The following MARCHF1 variants were observed in gnomAD, a reference collection of about 807,000 sequenced individuals.
The protein encoded by MARCHF1 is E3 ubiquitin-protein ligase MARCHF1.
Under a neutral mutation model 54.2 loss-of-function variants are expected in MARCHF1, and 40 were observed. The observed-to-expected ratio is 0.74, with a 90% CI of 0.57 to 0.96. MARCHF1 has a LOEUF of 0.96. MARCHF1 is among the 40% of genes least tolerant of loss of function. The pLI is 0.00. For synonymous variants in MARCHF1, 236 were observed against 236.3 expected, an observed-to-expected ratio of 1.00 and a Z score of 0.01; for missense variants, 586 against 656.5, an observed-to-expected ratio of 0.89 and a Z score of 1.17.
chr4:164,056,315 G>T (rs1179528950), intron 2 of MARCHF1, among the ~76,000 whole-genome samples: 1 of 152,168 alleles, frequency 6.6e-6, no homozygotes, highest in Non-Finnish European at 1.5e-5. Context: ...AACACTGAAA[G>T]GTGTGGAGGT....
chr4:163,901,435 C>T (rs1006232369), intron 3 of MARCHF1, among the ~76,000 whole-genome samples: 1 of 152,130 alleles, frequency 6.6e-6, no homozygotes, highest in African/African-American at 2.4e-5. Context: ...ACTTTGTCAC[C>T]TGTCTTATAG....
In MARCHF1 at chr4:163,689,780, G is replaced by A. The variant is rs535063758; in HGVS notation, c.162+11033C>T. 2.0e-3 allele frequency among the ~76,000 whole-genome samples: 297 copies of A among 152,010 alleles called. 1 individual carries two copies. The highest frequency in any genetic ancestry group is 6.8e-3 in the African/African-American group (283 of 41,478). ...GAGTAAGAACTATTCACATCATCTG[G>A]CATATTTAAAATACACGATATCCTA... On this transcript the variant is annotated intron_variant, in intron 5 of 9. Coordinates refer to ENST00000514618, the MANE Select transcript of MARCHF1 (RefSeq NM_001394959.1).
chr4:163,736,338 T>C (rs1746032748), intron 4 of MARCHF1, among the ~76,000 whole-genome samples: 1 of 152,174 alleles, frequency 6.6e-6, no homozygotes, highest in Non-Finnish European at 1.5e-5. Context: ...CAGGTGGCAT[T>C]GACAGCATGC....
intron 1 of MARCHF1, among the ~76,000 whole-genome samples, chr4:164,274,371 C>T (rs1193615852): frequency 6.6e-6 from 1 of 151,896 alleles, no homozygotes; most frequent in Non-Finnish European, 1.5e-5. Context: ...AAGCCTGCAA[C>T]ATGTTTCTGA....
chr4:163,606,105 G>A (rs977490601), intron 7 of MARCHF1, among the ~76,000 whole-genome samples: 3 of 152,010 alleles, frequency 2.0e-5, no homozygotes, highest in African/African-American at 7.2e-5. Context: ...TAGCATAATG[G>A]TACAAAGTAT....
At chr4:163,674,810 A>T (rs1253056232) in intron 5 of MARCHF1, among the ~76,000 whole-genome samples, 1 of 152,232 alleles carries the variant, frequency 6.6e-6, no homozygotes. Flanking sequence ...AGCAATATGA[A>T]ATCAGGAACT....
intron 2 of MARCHF1, among the ~76,000 whole-genome samples, chr4:164,028,892 G>A (rs1211840209): frequency 6.6e-6 from 1 of 152,102 alleles, no homozygotes; most frequent in African/African-American, 2.4e-5. Flanking sequence ...TGTAAAAGCA[G>A]GTTGTGGTCA....
chr4:163,620,395 A>C lies in MARCHF1; in HGVS notation c.163-7002T>G, dbSNP rs112346119. Among the ~76,000 whole-genome samples, 60 of 152,272 alleles carry C rather than the reference A, an allele frequency of 3.9e-4. 1 individual carries two copies. The highest frequency in any genetic ancestry group is 1.4e-3 in the African/African-American group (58 of 41,562). On this transcript the variant is annotated intron_variant, in intron 5 of 9. Coordinates refer to ENST00000514618, the MANE Select transcript of MARCHF1 (RefSeq NM_001394959.1). The stretch of plus-strand genomic sequence containing the variant: ...AAAAATGTATACCATTAAAGTTGGA[A>C]ATTCTACTCATGGGAATTAATTTTG...
Position 163,527,899 on chromosome 4 carries a change from C to CAA in MARCHF1, c.*847_*848dup, listed in dbSNP as rs1553988867. On this transcript the variant is annotated 3_prime_UTR_variant, in exon 10 of 10. Transcript: ENST00000514618. ...TTTAAAAAATCAAAATTCATTTTAA[C>CAA]AAACAAACATTTATTTTTACTTTTT... 4 of 152,044 alleles carry CAA rather than the reference C, an allele frequency of 2.6e-5. No homozygotes were observed. The highest frequency in any genetic ancestry group is 5.9e-5 in the Non-Finnish European group (4 of 67,950). The allele number at this position is 152,044 out of a possible 1,614,324, so 9.4% of individuals were successfully genotyped here.
intron 4 of MARCHF1, among the ~76,000 whole-genome samples, chr4:163,747,940 G>A (rs192127933): frequency 2.7e-4 from 41 of 152,280 alleles, no homozygotes; most frequent in African/African-American, 9.1e-4. Flanking sequence ...GAGCAGCCCC[G>A]AGAAGCTGGA....
At chr4:163,548,731 G>C (rs1738996411) in intron 8 of MARCHF1, among the ~76,000 whole-genome samples, 1 of 152,200 alleles carries the variant, frequency 6.6e-6, no homozygotes, top group African/African-American at 2.4e-5. Context: ...GGCGCTGGCA[G>C]AAATCAATGT....
At chr4:164,096,874 T>C (rs915483898) in intron 2 of MARCHF1, among the ~76,000 whole-genome samples, 1 of 152,158 alleles carries the variant, frequency 6.6e-6, no homozygotes, top group African/African-American at 2.4e-5. Flanking sequence ...ATTTAGTGAC[T>C]GATGCTCAGA....
chr4:163,713,373 A>G (rs1745165063), intron 4 of MARCHF1, among the ~76,000 whole-genome samples: 1 of 152,198 alleles, frequency 6.6e-6, no homozygotes, highest in African/African-American at 2.4e-5. Context: ...TCCAAATCCC[A>G]ACTATACCAC....
At chr4:164,238,609 T>C (rs916529993) in intron 1 of MARCHF1, among the ~76,000 whole-genome samples, 4 of 152,024 alleles carry the variant, frequency 2.6e-5, no homozygotes, top group African/African-American at 9.6e-5. Flanking sequence ...TTCCATTTTA[T>C]GTTTTTAATA....
At chr4:164,102,835 T>A in intron 2 of MARCHF1, among the ~76,000 whole-genome samples, 2 of 116,776 alleles carry the variant, frequency 1.7e-5, no homozygotes, top group East Asian at 2.1e-4. Context: ...GGATAAAGAG[T>A]CAAGACCCAT....
intron 1 of MARCHF1, among the ~76,000 whole-genome samples, chr4:164,156,502 C>A (rs1484764633): frequency 6.6e-6 from 1 of 152,146 alleles, no homozygotes; most frequent in African/African-American, 2.4e-5. Flanking sequence ...CTGCTCACTG[C>A]AACCTCTGCC....
chr4:164,253,034 G>C (rs1244182857), intron 1 of MARCHF1, among the ~76,000 whole-genome samples: 1 of 151,288 alleles, frequency 6.6e-6, no homozygotes, highest in Non-Finnish European at 1.5e-5. Flanking sequence ...ATCATGAAAA[G>C]GATTAAAATA....
At chr4:164,148,543 T>C (rs971905570) in intron 1 of MARCHF1, among the ~76,000 whole-genome samples, 2 of 152,114 alleles carry the variant, frequency 1.3e-5, no homozygotes, top group Non-Finnish European at 2.9e-5. Context: ...TAAAAATCTT[T>C]AGGTGAGCAC....
intron 1 of MARCHF1, among the ~76,000 whole-genome samples, chr4:164,263,205 C>G (rs1358910248): frequency 6.6e-6 from 1 of 151,568 alleles, no homozygotes; most frequent in Non-Finnish European, 1.5e-5. Flanking sequence ...CTATGAAACA[C>G]TAAGAGAAAA....
Sources: gnomAD v4.1 joint callset for allele counts (sites outside exome capture counted in the v4.1 genomes callset) on GRCh38, gnomAD v4.1.1 for gene constraint, MANE v1.5 for transcripts, NCBI Gene and HGNC (gene_info 2026-07-23, HGNC 2026-07-21) for gene names.